Variants in TTLL8 observed in about 807,000 individuals in gnomAD.
TTLL8 encodes the protein tubulin tyrosine ligase like 8, also known as protein monoglycylase TTLL8.
TTLL8 carries 65 observed loss-of-function variants against 77.8 expected under a neutral mutation model. The ratio of observed to expected loss-of-function variants is 0.84; its 90% confidence interval spans 0.68 to 1.03. The LOEUF (loss-of-function observed/expected upper bound fraction) is 1.03. TTLL8 is among the 50% of genes least tolerant of loss of function. The pLI, the probability that TTLL8 is intolerant of heterozygous loss-of-function variation, is 0.00. For synonymous variants in TTLL8, 402 were observed against 422.8 expected, an observed-to-expected ratio of 0.95 and a Z score of 0.60; for missense variants, 910 against 1,004.5, an observed-to-expected ratio of 0.91 and a Z score of 1.27.
At chr22:50,024,177 A>C (rs8138301) in intron 12 of TTLL8, among the ~76,000 whole-genome samples, 36,449 of 152,094 alleles carry the variant, frequency 0.24, 4,595 homozygotes, top group South Asian at 0.45. Flanking sequence ...CTCTCTGTCA[A>C]CCAGGCTGGA....
Position 50,046,040 on chromosome 22 carries a change from G to A in TTLL8, c.394-70C>T, listed in dbSNP as rs1218308848. 3.1e-6 allele frequency: 4 copies of A among 1,274,080 alleles called. No individual in the cohort carries two copies. In the East Asian group the frequency reaches 1.7e-4, roughly 53 times the overall value. 78.9% of individuals were successfully genotyped at this position (1,274,080 alleles called of 1,614,324 possible). A position where few individuals can be genotyped will look rare whatever the true frequency, so the allele number is the denominator to read the frequency against. On this transcript the variant is annotated intron_variant, in intron 4 of 13. Coordinates refer to ENST00000266182, the Ensembl canonical transcript of TTLL8. ...AGCTCTGCCTCGCTCACAAGGCGAG[G>A]ACGGGCCGTCCACCTCAGACTTGCC...
chr22:50,058,252 C>A (rs1406617061), upstream of TTLL8, among the ~76,000 whole-genome samples: 1 of 150,440 alleles, frequency 6.6e-6, no homozygotes. This position sits in a 1 kb window ranked among gnomAD's most constrained non-coding sequence, Gnocchi z 4.2. Context: ...ACCCCCGGTG[C>A]GGCGGCTGCT....
intron 8 of TTLL8, among the ~76,000 whole-genome samples, chr22:50,036,764 A>G (rs2061339656): frequency 6.6e-6 from 1 of 151,986 alleles, no homozygotes; most frequent in African/African-American, 2.4e-5. Flanking sequence ...ATGCCCAGCT[A>G]ACTTTTGTAT....
At chr22:50,048,200 G>A (rs1182072296) in intron 3 of TTLL8, among the ~76,000 whole-genome samples, 1 of 151,680 alleles carries the variant, frequency 6.6e-6, no homozygotes, top group Non-Finnish European at 1.5e-5. Flanking sequence ...AAACAGCATC[G>A]TCAACAGAGC....
In TTLL8 at chr22:50,054,216, C is replaced by T. The variant is rs573624640; in HGVS notation, c.51+360G>A. Among the ~76,000 whole-genome samples, 31 of 152,258 alleles carry T rather than the reference C, an allele frequency of 2.0e-4. No homozygotes were observed. The South Asian group carries it at 6.4e-3, about 32-fold the overall frequency. On this transcript the variant is annotated intron_variant, in intron 1 of 13. Coordinates refer to ENST00000266182, the Ensembl canonical transcript of TTLL8. ...TTCTGAGCAGTGGAAATCGACACAC[C>T]ATCAAGACAAAGAAAGCCGCCTTTC...
At chr22:50,030,643 C>T (rs750698860) in exon 12 of TTLL8, 3 of 1,283,894 alleles carry the variant, frequency 2.3e-6, no homozygotes, top group Admixed American at 2.5e-5. Flanking sequence ...GTGGGCTGTG[C>T]GGCTCCACCG....
intron 12 of TTLL8, among the ~76,000 whole-genome samples, chr22:50,028,322 G>C: frequency 6.6e-6 from 1 of 152,226 alleles, no homozygotes; most frequent in Non-Finnish European, 1.5e-5. Context: ...CGGCAACATT[G>C]CTTACGGCAA....
chr22:50,049,771 G>A (rs2061433428), intron 2 of TTLL8, among the ~76,000 whole-genome samples: 2 of 152,194 alleles, frequency 1.3e-5, no homozygotes, highest in Admixed American at 1.3e-4. Context: ...CAGCACCACG[G>A]GGGCCTGAGG....
chr22:50,057,210 GTCAGCTCTGGGGTTGGGGA>G (rs1376131062), upstream of TTLL8, among the ~76,000 whole-genome samples: 1 of 139,600 alleles, frequency 7.2e-6, no homozygotes, highest in Non-Finnish European at 1.5e-5. Flanking sequence ...TGGATTAGGG[GTCAGCTCTGGGGTTGGGGA>G]TCAGGTCTGG....
intron 12 of TTLL8, among the ~76,000 whole-genome samples, chr22:50,026,296 G>A (rs1383187842): frequency 7.6e-6 from 1 of 131,540 alleles, no homozygotes; most frequent in Non-Finnish European, 1.8e-5. Context: ...ACCCTGCACA[G>A]CCGCCACCTC....
At chr22:50,036,698 A>T (rs2061339295) in intron 8 of TTLL8, among the ~76,000 whole-genome samples, 1 of 151,438 alleles carries the variant, frequency 6.6e-6, no homozygotes, top group Non-Finnish European at 1.5e-5. Flanking sequence ...CTCCCAATTC[A>T]AGCGATGCTC....
In TTLL8 at chr22:50,034,572, G is replaced by A; in HGVS notation, c.922-110C>T. 1 of 1,170,196 alleles carries A rather than the reference G, an allele frequency of 8.5e-7. No individual in the cohort carries two copies. The highest frequency in any genetic ancestry group is 1.1e-6 in the Non-Finnish European group (1 of 889,462). 72.5% of individuals were successfully genotyped at this position (1,170,196 alleles called of 1,614,324 possible). A position where few individuals can be genotyped will look rare whatever the true frequency, so the allele number is the denominator to read the frequency against. On this transcript the variant is annotated intron_variant, in intron 8 of 13. Coordinates refer to ENST00000266182, the Ensembl canonical transcript of TTLL8. The surrounding 1 kb of genome is among the most constrained non-coding windows in gnomAD (Gnocchi z 4.1). ...TGGGCCCCGCCTCACCCACCAAGCA[G>A]GCGCTCGGCTCTAGGATGGTCTGGG...
intron 5 of TTLL8, 34 bp downstream of exon 7, chr22:50,045,822 C>A: frequency 7.6e-7 from 1 of 1,308,000 alleles, no homozygotes; most frequent in Non-Finnish European, 1.0e-6. Flanking sequence ...TCTCTGCTGA[C>A]AGCACTGGGG....
At chr22:50,021,365 G>A (rs2097058281) in intron 12 of TTLL8, among the ~76,000 whole-genome samples, 1 of 131,798 alleles carries the variant, frequency 7.6e-6, no homozygotes, top group African/African-American at 3.0e-5. Context: ...CATCTGACAT[G>A]CACTCCTCCA....
exon 12 of TTLL8, chr22:50,030,540 T>A (rs769101924): frequency 7.6e-7 from 1 of 1,324,236 alleles, no homozygotes; most frequent in South Asian, 1.2e-5. Context: ...TTTGGCGGGC[T>A]GGGCTACGGG....
At position 50,041,692 on chromosome 22, in the gene TTLL8, T is replaced by TG; in HGVS notation, c.758dup (p.Ala254SerfsTer9). 1 of 1,367,128 alleles carries TG rather than the reference T, an allele frequency of 7.3e-7. No individual in the cohort carries two copies. Among genetic ancestry groups the TG allele is most frequent in the Non-Finnish European group, 9.8e-7 (1 of 1,021,682 alleles). The allele number at this position is 1,367,128 out of a possible 1,614,324, so 84.7% of individuals were successfully genotyped here. A position where few individuals can be genotyped will look rare whatever the true frequency, so the allele number is the denominator to read the frequency against. ...CAGTGAGGTCCTCCACGGCATCTGC[T>TG]GACGTGTCGATGTCCTCATGCTCCA... On this transcript the variant is annotated frameshift_variant, in exon 7 of 14. Coordinates refer to ENST00000266182, the Ensembl canonical transcript of TTLL8. LOFTEE classifies it high-confidence loss of function. This position sits in a 1 kb window ranked among gnomAD's most constrained non-coding sequence, Gnocchi z 4.3.
At chr22:50,049,827 G>A (rs555892591) in intron 2 of TTLL8, among the ~76,000 whole-genome samples, 28 of 152,260 alleles carry the variant, frequency 1.8e-4, no homozygotes, top group African/African-American at 5.8e-4. Flanking sequence ...AGCTGAGGCC[G>A]GGCGGAGAGA....
chr22:50,028,190 G>T (rs2061243192), intron 12 of TTLL8, among the ~76,000 whole-genome samples: 1 of 152,222 alleles, frequency 6.6e-6, no homozygotes, highest in African/African-American at 2.4e-5. Context: ...TGGCATGGCT[G>T]GTGTGTGAGG....
In TTLL8 at chr22:50,034,062, A is replaced by G. The variant is rs1423972344; in HGVS notation, c.1039+283T>C. ...AAACTAAAAATAAAATAATAAAAAT[A>G]AAAAACTAAAAAGGAAAGCATAGAC... On this transcript the variant is annotated intron_variant, in intron 9 of 13. Coordinates refer to ENST00000266182, the Ensembl canonical transcript of TTLL8. The surrounding 1 kb of genome is among the most constrained non-coding windows in gnomAD (Gnocchi z 4.1). Among the ~76,000 whole-genome samples, 1 of 152,218 alleles carries G rather than the reference A, an allele frequency of 6.6e-6. No homozygotes were observed. Among genetic ancestry groups the G allele is most frequent in the Non-Finnish European group, 1.5e-5 (1 of 68,044 alleles).
Sources: gnomAD v4.1 joint callset for allele counts (sites outside exome capture counted in the v4.1 genomes callset) on GRCh38, gnomAD v4.1.1 for gene constraint, Gnocchi (gnomAD v3.1) non-coding constraint, MANE v1.5 for transcripts, NCBI Gene and HGNC (gene_info 2026-07-23, HGNC 2026-07-21) for gene names.